Variants in JAK1 observed in about 807,000 individuals in gnomAD.
JAK1 encodes the protein Janus kinase 1.
JAK1 carries 16 observed loss-of-function variants against 136.6 expected under a neutral mutation model. The ratio of observed to expected loss-of-function variants is 0.12; its 90% CI spans 0.08 to 0.18. JAK1 has a LOEUF of 0.18. JAK1 is among the 10% of genes least tolerant of loss of function. The pLI, the probability that JAK1 is intolerant of heterozygous loss-of-function variation, is 1.00. For missense variants in JAK1, 859 were observed against 1,450.1 expected, an observed-to-expected ratio of 0.59 and a Z score of 6.62; for synonymous variants, 492 against 519.5, an observed-to-expected ratio of 0.95 and a Z score of 0.72.
chr1:65,056,165 T>G (rs1312385985), intron 1 of JAK1, among the ~76,000 whole-genome samples: 1 of 152,170 alleles, frequency 6.6e-6, no homozygotes, highest in African/African-American at 2.4e-5. Context: ...TTAAGAAAAC[T>G]CCAAAGAATT....
chr1:64,835,125 CA>C (rs1654391294), intron 24 of JAK1, among the ~76,000 whole-genome samples: 1 of 152,230 alleles, frequency 6.6e-6, no homozygotes, highest in Non-Finnish European at 1.5e-5. Flanking sequence ...ACTAAGGCTA[CA>C]CCAAAACCTG....
chr1:64,934,713 G>T (rs1367025886), intron 1 of JAK1, among the ~76,000 whole-genome samples: 1 of 152,162 alleles, frequency 6.6e-6, no homozygotes, highest in Non-Finnish European at 1.5e-5. Flanking sequence ...AAGTCCTGTG[G>T]ACTCCAAACG....
intron 2 of JAK1, chr1:64,986,072 G>C: frequency 1.7e-6 from 2 of 1,184,866 alleles, no homozygotes; most frequent in Non-Finnish European, 2.5e-6. Flanking sequence ...TCAGAGATGG[G>C]GTGACCTTCT....
intron 1 of JAK1, among the ~76,000 whole-genome samples, chr1:64,916,015 A>G (rs565802021): frequency 6.6e-6 from 1 of 152,316 alleles, no homozygotes; most frequent in East Asian, 1.9e-4. Flanking sequence ...GGACTGACCT[A>G]AAGACACAGA....
chr1:64,883,711 T>C (rs182925913), intron 2 of JAK1, among the ~76,000 whole-genome samples: 9 of 152,270 alleles, frequency 5.9e-5, no homozygotes, highest in Non-Finnish European at 1.2e-4. Context: ...TAATTATGTA[T>C]TTTTGAAAAT....
rs1481461977 is a variant in JAK1 at position 65,021,419 on chromosome 1, G to A, written c.-78+23061C>T. Among the ~76,000 whole-genome samples, 8 of 152,288 alleles carry A rather than the reference G, an allele frequency of 5.3e-5. 1 individual carries two copies. In the East Asian group the frequency reaches 1.5e-3, roughly 29 times the overall value. ...CTTTCCTTCCATCGGCACTTCAGCA[G>A]GATGTGTTTTACCTTTTTCCTTGTC... On this transcript the variant is annotated intron_variant, in intron 2 of 25. Transcript: ENST00000671954.
chr1:64,987,925 C>T (rs1172621565), intron 2 of JAK1, among the ~76,000 whole-genome samples: 1 of 152,144 alleles, frequency 6.6e-6, no homozygotes, highest in Non-Finnish European at 1.5e-5. Context: ...GATGCTGTAT[C>T]TTGACTTTTC....
chr1:64,835,997 C>T, intron 23 of JAK1, 101 bp downstream of exon 23: 1 of 702,208 alleles, frequency 1.4e-6, no homozygotes, highest in Non-Finnish European at 2.6e-6. Flanking sequence ...CATTATAATA[C>T]ATTCATTGGA....
chr1:64,842,395 G>C (rs1426101767), intron 17 of JAK1, among the ~76,000 whole-genome samples: 1 of 129,786 alleles, frequency 7.7e-6, no homozygotes, highest in Admixed American at 8.7e-5. Context: ...CTGCATTCCA[G>C]TTTCTACTTC....
chr1:64,970,981 A>C (rs1646447317), upstream of JAK1, among the ~76,000 whole-genome samples: 1 of 152,218 alleles, frequency 6.6e-6, no homozygotes. Context: ...AATCTTCATC[A>C]AAAGAATATG....
intron 1 of JAK1, among the ~76,000 whole-genome samples, chr1:65,050,581 AGAG>A (rs1647256842): frequency 6.6e-6 from 1 of 152,212 alleles, no homozygotes; most frequent in Non-Finnish European, 1.5e-5. Flanking sequence ...GGGCAGCTGA[AGAG>A]GAGAAGCCAC....
At chr1:64,932,001 CAAT>C (rs559826975) in intron 1 of JAK1, among the ~76,000 whole-genome samples, 66 of 152,074 alleles carry the variant, frequency 4.3e-4, no homozygotes, top group Middle Eastern at 3.4e-3. Flanking sequence ...ATATCTTTAA[CAAT>C]AATAATACCT....
rs1646140813 is a variant in JAK1 at position 64,954,113 on chromosome 1, A to G, written c.-78+12220T>C. Reference sequence around the variant, plus strand: ...TCCTAGGTTCTCATTTTAAATACCAATGTCAGGAGAGAAAGAGAAAGAAAA... The same window carrying G: ...TCCTAGGTTCTCATTTTAAATACCAGTGTCAGGAGAGAAAGAGAAAGAAAA... On this transcript the variant is annotated intron_variant, in intron 1 of 24. Coordinates refer to ENST00000342505, the MANE Select transcript of JAK1 (RefSeq NM_002227.4). Among the ~76,000 whole-genome samples the G allele has an allele frequency of 5.3e-5, 8 of 152,358 alleles. No individual in the cohort carries two copies. In the South Asian group the frequency reaches 1.7e-3, roughly 32 times the overall value.
chr1:65,029,784 A>G (rs532288624), intron 2 of JAK1, among the ~76,000 whole-genome samples: 2 of 152,174 alleles, frequency 1.3e-5, no homozygotes, highest in African/African-American at 2.4e-5. Context: ...CATAGAGGGG[A>G]ACAAGAGACA....
chr1:64,857,981 C>T (rs1270082668), intron 9 of JAK1, among the ~76,000 whole-genome samples: 1 of 152,160 alleles, frequency 6.6e-6, no homozygotes, highest in Non-Finnish European at 1.5e-5. Context: ...ATGGAGTCTC[C>T]AAGGTTGAGA....
chr1:64,849,876 A>C (rs538900350), intron 12 of JAK1, among the ~76,000 whole-genome samples: 5 of 152,238 alleles, frequency 3.3e-5, no homozygotes, highest in African/African-American at 1.2e-4. Flanking sequence ...AATAGAGAAC[A>C]ATGATGGGCC....
At chr1:65,043,565 G>C (rs1647154447) in intron 2 of JAK1, among the ~76,000 whole-genome samples, 1 of 151,946 alleles carries the variant, frequency 6.6e-6, no homozygotes, top group Non-Finnish European at 1.5e-5. Flanking sequence ...ACAAAGTCTT[G>C]CTCTGTTGCC....
chr1:64,859,905 GA>G, intron 9 of JAK1, 199 bp downstream of exon 9: 1 of 413,842 alleles, frequency 2.4e-6, no homozygotes, highest in South Asian at 7.5e-5. Context: ...AAGCAGCATT[GA>G]GGGGCTGCTG....
At chr1:65,062,840 GATTA>G (rs1647851414) in intron 1 of JAK1, among the ~76,000 whole-genome samples, 1 of 151,894 alleles carries the variant, frequency 6.6e-6, no homozygotes, top group South Asian at 2.1e-4. Flanking sequence ...TTGATTGATT[GATTA>G]ATTGATGAAC....
Sources: gnomAD v4.1 joint callset for allele counts (sites outside exome capture counted in the v4.1 genomes callset) on GRCh38, gnomAD v4.1.1 for gene constraint, MANE v1.5 for transcripts, NCBI Gene and HGNC (gene_info 2026-07-23, HGNC 2026-07-21) for gene names.